Variants in MYT1L observed in about 807,000 individuals in gnomAD.
The protein encoded by MYT1L is myelin transcription factor 1-like protein.
In MYT1L, 12 loss-of-function variants were observed where a neutral mutation model predicts 126.7. The ratio of observed to expected loss-of-function variants is 0.09; its 90% CI spans 0.06 to 0.15. MYT1L has a LOEUF of 0.15. MYT1L is among the 10% of genes least tolerant of loss of function. MYT1L has a pLI of 1.00. For missense variants in MYT1L, 979 were observed against 1,585.2 expected, an observed-to-expected ratio of 0.62 and a Z score of 6.49; for synonymous variants, 541 against 604.2, an observed-to-expected ratio of 0.90 and a Z score of 1.53.
At chr2:2,079,128 C>T (rs1461536356) in intron 3 of MYT1L, among the ~76,000 whole-genome samples, 2 of 152,170 alleles carry the variant, frequency 1.3e-5, no homozygotes, top group Non-Finnish European at 2.9e-5. Flanking sequence ...GTGCAAAATA[C>T]ATTTCTGTTT....
chr2:2,241,001 C>T (rs867046135), intron 2 of MYT1L, among the ~76,000 whole-genome samples: 36 of 152,180 alleles, frequency 2.4e-4, no homozygotes, highest in African/African-American at 8.4e-4. Flanking sequence ...TGCCACTTCA[C>T]GTATTGGAGA....
intron 5 of MYT1L, among the ~76,000 whole-genome samples, chr2:1,981,636 C>T (rs1035509210): frequency 3.9e-5 from 6 of 152,142 alleles, no homozygotes; most frequent in African/African-American, 9.7e-5. Context: ...AGGGATGTAC[C>T]GGGAGGCCCC....
chr2:2,323,080 A>G (rs899081243), intron 1 of MYT1L, among the ~76,000 whole-genome samples: 2 of 152,186 alleles, frequency 1.3e-5, no homozygotes. Context: ...AGTACTAAGA[A>G]ACTTGCAGAA....
chr2:2,330,534 A>G (rs533754641), intron 1 of MYT1L, among the ~76,000 whole-genome samples: 2 of 152,342 alleles, frequency 1.3e-5, no homozygotes, highest in South Asian at 4.1e-4. Context: ...CTTAAACAAT[A>G]TAAATCAACT....
intron 2 of MYT1L, among the ~76,000 whole-genome samples, chr2:2,277,004 CAG>C (rs1325816907): frequency 2.6e-5 from 4 of 151,564 alleles, no homozygotes; most frequent in Admixed American, 6.6e-5. Flanking sequence ...TTTTTTGAGA[CAG>C]AGTCTCACTC....
At chr2:2,021,385 A>G (rs919082326) in intron 4 of MYT1L, among the ~76,000 whole-genome samples, 5 of 152,096 alleles carry the variant, frequency 3.3e-5, no homozygotes, top group African/African-American at 1.2e-4. Flanking sequence ...GGAGGCTTTT[A>G]AAGGGTTTAT....
At chr2:1,794,870 A>AAAC (rs1427883904) in intron 23 of MYT1L, among the ~76,000 whole-genome samples, 2 of 152,240 alleles carry the variant, frequency 1.3e-5, no homozygotes, top group African/African-American at 4.8e-5. Context: ...CAGTTTGAAC[A>AAAC]AACATCCCAT....
chr2:2,113,030 C>T (rs1406549139), intron 3 of MYT1L, among the ~76,000 whole-genome samples: 6 of 152,150 alleles, frequency 3.9e-5, no homozygotes, highest in Non-Finnish European at 5.9e-5. Flanking sequence ...GTGGCCACGA[C>T]GAGGAGCATA....
At chr2:1,953,843 T>C (rs1316820367) in intron 8 of MYT1L, among the ~76,000 whole-genome samples, 2 of 152,214 alleles carry the variant, frequency 1.3e-5, no homozygotes, top group Non-Finnish European at 1.5e-5. Context: ...AAGACTAGAA[T>C]GTTGATAATG....
At chr2:2,141,179 C>T (rs2083921357) in intron 3 of MYT1L, among the ~76,000 whole-genome samples, 1 of 152,080 alleles carries the variant, frequency 6.6e-6, no homozygotes, top group Non-Finnish European at 1.5e-5. Context: ...TCTTTTTATT[C>T]ATTCCTTCTG....
chr2:1,891,970 G>C, intron 15 of MYT1L, 67 bp downstream of exon 15: 2 of 1,446,098 alleles, frequency 1.4e-6, no homozygotes, highest in South Asian at 1.4e-5. Flanking sequence ...CGCGTGTCTC[G>C]GTGGCTGGGT....
chr2:2,187,683 T>G (rs2092309870), intron 2 of MYT1L, among the ~76,000 whole-genome samples: 1 of 152,056 alleles, frequency 6.6e-6, no homozygotes, highest in South Asian at 2.1e-4. Flanking sequence ...GCCCATTGCA[T>G]TCATGGCTGA....
intron 5 of MYT1L, among the ~76,000 whole-genome samples, chr2:1,981,719 A>G (rs374050875): frequency 6.6e-6 from 1 of 152,110 alleles, no homozygotes; most frequent in South Asian, 2.1e-4. Flanking sequence ...CATGTTTTAG[A>G]AAAAAACAAG....
chr2:2,327,625 G>A (rs1283358770), intron 1 of MYT1L, among the ~76,000 whole-genome samples: 1 of 152,144 alleles, frequency 6.6e-6, no homozygotes, highest in East Asian at 1.9e-4. Flanking sequence ...TTTGCCTCCT[G>A]AACAGAGTTC....
intron 8 of MYT1L, among the ~76,000 whole-genome samples, chr2:1,957,802 A>G (rs2058622791): frequency 6.6e-6 from 1 of 151,740 alleles, no homozygotes; most frequent in South Asian, 2.1e-4. Flanking sequence ...CCCAGTCTCC[A>G]GGGAGCACCA....
chr2:1,854,943 C>T lies in MYT1L; in HGVS notation c.2712-3240G>A, dbSNP rs1376440526. 2.6e-5 allele frequency among the ~76,000 whole-genome samples: 4 copies of T among 152,146 alleles called. No homozygotes were observed. In the South Asian group the frequency reaches 6.2e-4, roughly 24 times the overall value. On this transcript the variant is annotated intron_variant, in intron 18 of 24. Coordinates refer to ENST00000647738, the MANE Select transcript of MYT1L (RefSeq NM_001303052.2). Reference sequence around the variant, plus strand: ...ATGCTGGAAACACTGGCTGTGTCTCCCTGAGATAACCAGCCCCCGGTTTTC... The same window carrying T: ...ATGCTGGAAACACTGGCTGTGTCTCTCTGAGATAACCAGCCCCCGGTTTTC...
intron 2 of MYT1L, among the ~76,000 whole-genome samples, chr2:2,199,100 T>C (rs185032283): frequency 1.3e-5 from 2 of 152,120 alleles, no homozygotes; most frequent in Non-Finnish European, 2.9e-5. Flanking sequence ...TAGATTATTT[T>C]AAAAAAATGA....
At chr2:2,216,353 A>G (rs1255077791) in intron 2 of MYT1L, among the ~76,000 whole-genome samples, 1 of 152,188 alleles carries the variant, frequency 6.6e-6, no homozygotes, top group Admixed American at 6.5e-5. Flanking sequence ...ATAATAATGA[A>G]AGTTTTTAGA....
chr2:2,198,922 G>T lies in MYT1L; in HGVS notation c.-420-25934C>A, dbSNP rs2092940024. On this transcript the variant is annotated intron_variant, in intron 2 of 24. Transcript: ENST00000647738. ...TGAAAGACCAATTTCATGATACTGT[G>T]TATATATGCATTGAAACATCACACC... Among the ~76,000 whole-genome samples the T allele has an allele frequency of 4.6e-5, 7 of 151,870 alleles. No homozygotes were observed. The South Asian group carries it at 1.5e-3, about 32-fold the overall frequency.
Sources: gnomAD v4.1 joint callset for allele counts (sites outside exome capture counted in the v4.1 genomes callset) on GRCh38, gnomAD v4.1.1 for gene constraint, MANE v1.5 for transcripts, NCBI Gene and HGNC (gene_info 2026-07-23, HGNC 2026-07-21) for gene names.